PDE4D: variants seen among roughly 807,000 people sequenced by gnomAD.
PDE4D encodes phosphodiesterase 4D.
A neutral mutation model predicts 87.4 loss-of-function variants in PDE4D; 24 were observed. The ratio of observed to expected loss-of-function variants is 0.27; its 90% CI spans 0.20 to 0.39. The LOEUF (loss-of-function observed/expected upper bound fraction) is 0.39. Ranked by LOEUF, PDE4D falls within the 10% of genes least tolerant of loss-of-function variation. The pLI is 1.00. For synonymous variants in PDE4D, 384 were observed against 383.2 expected, an observed-to-expected ratio of 1.00 and a Z score of -0.02; for missense variants, 714 against 1,041.0, an observed-to-expected ratio of 0.69 and a Z score of 4.32.
At chr5:59,039,986 G>C (rs866703209) in intron 5 of PDE4D, 2 of 152,474 alleles carry the variant, frequency 1.3e-5, no homozygotes, top group Non-Finnish European at 2.9e-5. Context: ...GCGCCCCGCC[G>C]AGCCACTGCC....
intron 2 of PDE4D, among the ~76,000 whole-genome samples, chr5:60,035,050 G>A (rs1271484944): frequency 6.6e-6 from 1 of 152,180 alleles, no homozygotes; most frequent in Non-Finnish European, 1.5e-5. Flanking sequence ...GAAGTCAGGA[G>A]TTCGAGACCA....
intron 1 of PDE4D, among the ~76,000 whole-genome samples, chr5:60,202,642 A>T (rs914084533): frequency 6.6e-6 from 1 of 152,128 alleles, no homozygotes; most frequent in African/African-American, 2.4e-5. Context: ...AGAGAAAATA[A>T]TCATGAATTT....
intron 5 of PDE4D, among the ~76,000 whole-genome samples, chr5:59,069,924 ACTCAGAG>A (rs1764489622): frequency 6.6e-6 from 1 of 152,092 alleles, no homozygotes; most frequent in South Asian, 2.1e-4. Context: ...TAATTCTACC[ACTCAGAG>A]ACAACTACTG....
Position 59,220,083 on chromosome 5 carries a change from T to G in PDE4D, c.456-4115A>C, listed in dbSNP as rs185508899. 4.0e-5 allele frequency among the ~76,000 whole-genome samples: 6 copies of G among 151,690 alleles called. No homozygotes were observed. In the East Asian group the frequency reaches 9.7e-4, roughly 25 times the overall value. On this transcript the variant is annotated intron_variant, in intron 1 of 14. Transcript: ENST00000340635. ...GTTTATGGAAAGCTGGGCCAAGGAG[T>G]GTCAGCAGAAGCTTGTTATAAAGAC...
chr5:59,965,792 T>C (rs1171631100), intron 3 of PDE4D, among the ~76,000 whole-genome samples: 1 of 152,170 alleles, frequency 6.6e-6, no homozygotes, highest in Non-Finnish European at 1.5e-5. Flanking sequence ...GCACCAGATA[T>C]TAAACATTGT....
chr5:60,039,597 A>G (rs181917493), intron 2 of PDE4D, among the ~76,000 whole-genome samples: 146 of 151,530 alleles, frequency 9.6e-4, no homozygotes, highest in Non-Finnish European at 1.8e-3. Context: ...ATAATAAAAG[A>G]AAAAAAATAA....
intron 1 of PDE4D, among the ~76,000 whole-genome samples, chr5:60,348,737 T>C (rs1012053040): frequency 7.9e-5 from 12 of 152,116 alleles, no homozygotes; most frequent in Non-Finnish European, 1.3e-4. Flanking sequence ...ATATTACTTT[T>C]ATAACTGAAC....
intron 1 of PDE4D, among the ~76,000 whole-genome samples, chr5:60,280,794 C>T (rs1468726654): frequency 1.3e-5 from 2 of 152,140 alleles, no homozygotes; most frequent in Non-Finnish European, 2.9e-5. Context: ...CAGGGCCAGG[C>T]TCACATTAAG....
chr5:60,282,394 T>C (rs1403251528), intron 1 of PDE4D, among the ~76,000 whole-genome samples: 1 of 151,976 alleles, frequency 6.6e-6, no homozygotes, highest in Non-Finnish European at 1.5e-5. Flanking sequence ...CTTGTTTAAT[T>C]TGGTCTAATA....
At chr5:59,387,842 G>A (rs185462988) in intron 1 of PDE4D, among the ~76,000 whole-genome samples, 27 of 152,122 alleles carry the variant, frequency 1.8e-4, no homozygotes, top group Admixed American at 5.2e-4. Flanking sequence ...AGTATGCAAT[G>A]TATTGTTGTT....
intron 1 of PDE4D, among the ~76,000 whole-genome samples, chr5:60,218,650 T>C (rs1744143120): frequency 6.6e-6 from 1 of 152,066 alleles, no homozygotes; most frequent in Non-Finnish European, 1.5e-5. Flanking sequence ...GATATGACTG[T>C]GAAGTCCACA....
chr5:59,600,635 C>T (rs2150027908), intron 1 of PDE4D, among the ~76,000 whole-genome samples: 1 of 152,262 alleles, frequency 6.6e-6, no homozygotes, highest in East Asian at 1.9e-4. Flanking sequence ...GGGGATGTCT[C>T]AGTAGGTAAT....
intron 1 of PDE4D, among the ~76,000 whole-genome samples, chr5:59,702,552 A>C (rs1395027879): frequency 6.6e-6 from 1 of 151,456 alleles, no homozygotes; most frequent in Non-Finnish European, 1.5e-5. Flanking sequence ...CAAACAAACA[A>C]AGTTATCATT....
At chr5:59,292,999 C>T (rs1431901315) in intron 1 of PDE4D, among the ~76,000 whole-genome samples, 2 of 152,136 alleles carry the variant, frequency 1.3e-5, no homozygotes, top group East Asian at 1.9e-4. Flanking sequence ...TTTATTGTTA[C>T]AAGGGTTTTA....
At chr5:59,706,724 G>T (rs1337724073) in intron 1 of PDE4D, among the ~76,000 whole-genome samples, 1 of 152,104 alleles carries the variant, frequency 6.6e-6, no homozygotes, top group Non-Finnish European at 1.5e-5. Context: ...TCAATATGGT[G>T]GAGCTAGTGG....
At chr5:59,495,188 G>A (rs990724890) in intron 1 of PDE4D, among the ~76,000 whole-genome samples, 3 of 151,962 alleles carry the variant, frequency 2.0e-5, no homozygotes, top group African/African-American at 7.3e-5. Flanking sequence ...CACTGAAGTC[G>A]GGCTTTCTCC....
intron 1 of PDE4D, among the ~76,000 whole-genome samples, chr5:59,528,194 A>T (rs10514860): frequency 0.19 from 28,545 of 152,234 alleles, 3,308 homozygotes; most frequent in Non-Finnish European, 0.26. Context: ...ACTGAGTACA[A>T]TCAGAAACAG....
intron 3 of PDE4D, among the ~76,000 whole-genome samples, chr5:59,905,675 T>C (rs939997184): frequency 1.3e-5 from 2 of 152,096 alleles, no homozygotes; most frequent in Non-Finnish European, 2.9e-5. Flanking sequence ...AGATAATAGA[T>C]GTAAAATGCT....
intron 1 of PDE4D, among the ~76,000 whole-genome samples, chr5:59,487,968 C>T (rs750487261): frequency 3.3e-5 from 5 of 152,130 alleles, no homozygotes; most frequent in Non-Finnish European, 7.4e-5. Flanking sequence ...CTGCCTTCCC[C>T]TCTGCACATC....
Sources: gnomAD v4.1 joint callset for allele counts (sites outside exome capture counted in the v4.1 genomes callset) on GRCh38, gnomAD v4.1.1 for gene constraint, MANE v1.5 for transcripts, NCBI Gene and HGNC (gene_info 2026-07-23, HGNC 2026-07-21) for gene names.